The following ITPKB variants were observed in gnomAD, a reference collection of about 807,000 sequenced individuals.
ITPKB encodes IP3 3-kinase B.
Under a neutral mutation model 69.4 loss-of-function variants are expected in ITPKB, and 13 were observed. That is an observed-to-expected ratio of 0.19 (90% CI 0.12 to 0.30). The LOEUF is 0.30. Ranked by LOEUF, ITPKB falls within the 10% of genes least tolerant of loss-of-function variation. The pLI is 1.00. For missense variants in ITPKB, 1,240 were observed against 1,250.5 expected (o/e 0.99, Z 0.13); for synonymous variants, 584 against 513.7 (o/e 1.14, Z -1.85).
In ITPKB at chr1:226,649,221, C is replaced by T. The variant is rs192227747; in HGVS notation, c.1933-450G>A. On this transcript the variant is annotated intron_variant, in intron 2 of 7. Transcript: ENST00000429204. The stretch of plus-strand genomic sequence containing the variant: ...AAGCCCACAGCTCTCTCCTCTGCAC[C>T]GCGCTCCGCCCTCTCAGGATGTTTC... Among the ~76,000 whole-genome samples the T allele has an allele frequency of 5.9e-5, 9 of 151,294 alleles. No homozygotes were observed. The East Asian group carries it at 7.8e-4, about 13-fold the overall frequency.
intron 2 of ITPKB, among the ~76,000 whole-genome samples, chr1:226,730,089 G>C (rs1657542758): frequency 6.6e-6 from 1 of 152,176 alleles, no homozygotes. Flanking sequence ...AGAAAATGAA[G>C]AGCTGTCTGG....
At chr1:226,708,194 G>A (rs1349506351) in intron 2 of ITPKB, among the ~76,000 whole-genome samples, 1 of 152,202 alleles carries the variant, frequency 6.6e-6, no homozygotes, top group Non-Finnish European at 1.5e-5. Context: ...TACAACGATT[G>A]TAAATACCTA....
intron 2 of ITPKB, chr1:226,668,881 T>A (rs1469040329): frequency 6.6e-6 from 1 of 152,202 alleles, no homozygotes; most frequent in African/African-American, 2.4e-5. Flanking sequence ...TTTTTATTCA[T>A]TACTGCTACA....
At chr1:226,689,257 A>C (rs1340561294) in intron 2 of ITPKB, among the ~76,000 whole-genome samples, 2 of 152,220 alleles carry the variant, frequency 1.3e-5, no homozygotes, top group Non-Finnish European at 2.9e-5. Context: ...CATCCAAATA[A>C]ATAATATTCT....
chr1:226,648,350 G>A (rs1040120824), intron 3 of ITPKB, among the ~76,000 whole-genome samples: 4 of 152,204 alleles, frequency 2.6e-5, no homozygotes, highest in Admixed American at 6.5e-5. Flanking sequence ...AAGACTGATG[G>A]CTTCATCTGT....
chr1:226,680,669 C>T (rs1237828373), intron 2 of ITPKB, among the ~76,000 whole-genome samples: 1 of 152,218 alleles, frequency 6.6e-6, no homozygotes, highest in Non-Finnish European at 1.5e-5. Flanking sequence ...AGGGACTTTT[C>T]AGAGACCAGG....
intron 2 of ITPKB, among the ~76,000 whole-genome samples, chr1:226,665,559 G>A (rs576554149): frequency 1.3e-5 from 2 of 152,112 alleles, no homozygotes; most frequent in East Asian, 1.9e-4. Flanking sequence ...AAGACAAAAC[G>A]GGCCTCTCTG....
At position 226,737,245 on chromosome 1, in the gene ITPKB, G is replaced by C. The variant is rs893820182; in HGVS notation, c.214C>G (p.Pro72Ala). The C allele has an allele frequency of 5.8e-6, 9 of 1,555,386 alleles. No homozygotes were observed. The highest frequency in any genetic ancestry group is 7.8e-6 in the Non-Finnish European group (9 of 1,157,876). Residue 72 changes from proline (P) to alanine (A), a missense_variant, in exon 2 of 8, where the codon CCC becomes GCC. Coordinates refer to ENST00000429204, the MANE Select transcript of ITPKB (RefSeq NM_002221.4). Reference protein sequence around the residue: ...ESLSPEEPRSPGGWRSGRRRL... With the variant: ...ESLSPEEPRSAGGWRSGRRRL... ...CGCCGGCCGCTCCGCCAGCCCCCGG[G>C]GCTCCGGGGCTCCTCGGGGGACAGC...
intron 2 of ITPKB, among the ~76,000 whole-genome samples, chr1:226,651,889 C>G: frequency 6.6e-6 from 1 of 152,234 alleles, no homozygotes; most frequent in East Asian, 1.9e-4. Flanking sequence ...TGGCTCCCCT[C>G]TGCCCACACC....
rs370007464 is a variant in ITPKB at position 226,649,293 on chromosome 1, GTGTGTGCATGTGTGTGTGCATA to G, written c.1933-544_1933-523del. On this transcript the variant is annotated intron_variant, in intron 2 of 7. Coordinates refer to ENST00000429204, the MANE Select transcript of ITPKB (RefSeq NM_002221.4). Reference sequence around the variant, plus strand: ...TGGGAGTGTGCATGTGTGTGTGCGTGTGTGTGCATGTGTGTGTGCATATGTGTGCATGAGTGTGTGCGTATGT... The same window carrying G: ...TGGGAGTGTGCATGTGTGTGTGCGTGTGTGTGCATGAGTGTGTGCGTATGT... Among the ~76,000 whole-genome samples, 1,362 of 149,762 alleles carry G rather than the reference GTGTGTGCATGTGTGTGTGCATA, an allele frequency of 9.1e-3. 22 individuals carry two copies. Among genetic ancestry groups the G allele is most frequent in the African/African-American group, 0.032 (1,297 of 40,000 alleles).
At chr1:226,643,023 A>C (rs1228962619) in intron 4 of ITPKB, among the ~76,000 whole-genome samples, 1 of 152,058 alleles carries the variant, frequency 6.6e-6, no homozygotes, top group Non-Finnish European at 1.5e-5. Flanking sequence ...TGCCTGGTGC[A>C]CCCCACCCCA....
chr1:226,737,237 G>A lies in ITPKB; in HGVS notation c.222C>T (p.Gly74=), dbSNP rs1432777317. Residue 74 remains glycine (G), a synonymous_variant, in exon 2 of 8, where the codon GGC becomes GGT. Coordinates refer to ENST00000429204, the MANE Select transcript of ITPKB (RefSeq NM_002221.4). ...LSPEEPRSPG[G]WRSGRRRLNS... ...TCAGCCTGCGCCGGCCGCTCCGCCAGCCCCCGGGGCTCCGGGGCTCCTCGG... is the reference window on the plus strand; with the variant it reads ...TCAGCCTGCGCCGGCCGCTCCGCCAACCCCCGGGGCTCCGGGGCTCCTCGG... 7.1e-6 allele frequency: 11 copies of A among 1,559,720 alleles called. No individual in the cohort carries two copies. The highest frequency in any genetic ancestry group is 3.8e-5 in the Admixed American group (2 of 53,026).
At position 226,702,126 on chromosome 1, in the gene ITPKB, T is replaced by TGG. The variant is rs1656683208; in HGVS notation, c.1932+33399_1932+33400dup. Among the ~76,000 whole-genome samples, 5 of 152,174 alleles carry TGG rather than the reference T, an allele frequency of 3.3e-5. No homozygotes were observed. The South Asian group carries it at 1.0e-3, about 32-fold the overall frequency. The stretch of plus-strand genomic sequence containing the variant: ...AAAAGTTCAACTTGGCCCGGCACGG[T>TGG]GGTTCATGCCTGGAATCCCAGCACT... On this transcript the variant is annotated intron_variant, in intron 2 of 7. Transcript: ENST00000429204.
Position 226,645,407 on chromosome 1 carries a change from G to C in ITPKB, c.2246+1760C>G, listed in dbSNP as rs1272447270. ...AGAAGCTGCGGAAGTCAAGCGGCTG[G>C]GTGGGGGCAGCCCTGGGGCAGGAAG... On this transcript the variant is annotated intron_variant, in intron 4 of 7. Transcript: ENST00000429204. Among the ~76,000 whole-genome samples, 12 of 152,214 alleles carry C rather than the reference G, an allele frequency of 7.9e-5. 1 individual carries two copies. Among genetic ancestry groups the C allele is most frequent in the Non-Finnish European group, 1.8e-4 (12 of 68,030 alleles).
Position 226,737,426 on chromosome 1 carries a change from C to A in ITPKB, c.33G>T (p.Leu11=). 1 of 1,611,510 alleles carries A rather than the reference C, an allele frequency of 6.2e-7. No individual in the cohort carries two copies. ...TCTCGTTGGCGCTATTCATGATCAC[C>A]AGGCTATTGAGCGCATAGCAGTACA... MAVYCYALNS[L]VIMNSANEMK... The change falls in exon 2 of 8, where the codon CTG becomes CTT. Residue 11 remains leucine, a synonymous_variant. Transcript: ENST00000429204.
intron 2 of ITPKB, among the ~76,000 whole-genome samples, chr1:226,693,422 C>T (rs1406377949): frequency 6.6e-6 from 1 of 152,190 alleles, no homozygotes; most frequent in Non-Finnish European, 1.5e-5. Context: ...AATTTCTAGA[C>T]TTTAGAACCA....
intron 6 of ITPKB, 133 bp downstream of exon 6, chr1:226,639,424 G>C: frequency 1.5e-6 from 1 of 671,446 alleles, no homozygotes; most frequent in Non-Finnish European, 2.7e-6. Context: ...CCTCTCTACA[G>C]AGCCCTACGA....
intron 2 of ITPKB, among the ~76,000 whole-genome samples, chr1:226,712,809 C>T (rs1377689721): frequency 1.3e-5 from 2 of 152,188 alleles, no homozygotes. Context: ...TATTAGCGTC[C>T]CGGTGCATCA....
chr1:226,714,677 A>T (rs528403984), intron 2 of ITPKB, among the ~76,000 whole-genome samples: 37 of 152,274 alleles, frequency 2.4e-4, no homozygotes, highest in Admixed American at 3.9e-4. Flanking sequence ...TTCAACTCCA[A>T]TGGCACCATA....
Sources: allele counts gnomAD v4.1 joint callset (sites outside exome capture counted in the v4.1 genomes callset), GRCh38; gene constraint gnomAD v4.1.1; transcripts MANE v1.5; gene names NCBI Gene and HGNC (gene_info 2026-07-23, HGNC 2026-07-21).